FHIP1A: variants seen among roughly 807,000 people sequenced by gnomAD.
FHIP1A encodes the protein FHF complex subunit HOOK-interacting protein 1A.
A neutral mutation model predicts 88.6 loss-of-function variants in FHIP1A; 61 were observed. The ratio of observed to expected loss-of-function variants is 0.69; its 90% confidence interval spans 0.56 to 0.85. FHIP1A has a LOEUF of 0.85. FHIP1A is among the 40% of genes least tolerant of loss of function. The probability of loss-of-function intolerance (pLI) is 0.00; values close to 1 mark genes in which losing one functional copy is unlikely to be tolerated. For synonymous variants in FHIP1A, 478 were observed against 496.0 expected (o/e 0.96, Z 0.48); for missense variants, 1,154 against 1,273.5 (o/e 0.91, Z 1.43).
chr4:151,644,290 C>T (rs888054098), intron 9 of FHIP1A, among the ~76,000 whole-genome samples: 1 of 152,010 alleles, frequency 6.6e-6, no homozygotes. Context: ...AACCCCCCAC[C>T]CAACACAAAA....
intron 6 of FHIP1A, among the ~76,000 whole-genome samples, chr4:151,587,701 A>G (rs758312177): frequency 3.3e-5 from 5 of 152,176 alleles, no homozygotes; most frequent in Admixed American, 6.5e-5. Flanking sequence ...TGTTAGTTAT[A>G]ATCTGTTTAT....
intron 3 of FHIP1A, among the ~76,000 whole-genome samples, chr4:151,564,609 G>A (rs1733307701): frequency 6.6e-6 from 1 of 152,152 alleles, no homozygotes; most frequent in Non-Finnish European, 1.5e-5. Context: ...ACTGGACAGT[G>A]TCCACTGAAA....
chr4:151,544,616 T>G (rs1266992949), intron 3 of FHIP1A, among the ~76,000 whole-genome samples: 1 of 152,084 alleles, frequency 6.6e-6, no homozygotes, highest in Admixed American at 6.5e-5. Context: ...GTGATGCTGT[T>G]TAGTGCTTTG....
chr4:151,588,090 G>A (rs536397930), intron 6 of FHIP1A, among the ~76,000 whole-genome samples: 47 of 151,956 alleles, frequency 3.1e-4, no homozygotes, highest in African/African-American at 1.0e-3. Context: ...TAAGAACAGG[G>A]AAATTATATT....
At chr4:151,488,361 G>T (rs1235206726) in intron 3 of FHIP1A, among the ~76,000 whole-genome samples, 2 of 152,014 alleles carry the variant, frequency 1.3e-5, no homozygotes, top group Non-Finnish European at 2.9e-5. Context: ...AGTGTCTATT[G>T]TTCCCACTTA....
At chr4:151,562,205 T>C (rs567961266) in intron 3 of FHIP1A, among the ~76,000 whole-genome samples, 1 of 152,282 alleles carries the variant, frequency 6.6e-6, no homozygotes, top group East Asian at 1.9e-4. Flanking sequence ...TACCCTTTGT[T>C]CCCTACTTTA....
At chr4:151,521,431 G>A (rs1056882218) in intron 3 of FHIP1A, among the ~76,000 whole-genome samples, 4 of 152,064 alleles carry the variant, frequency 2.6e-5, no homozygotes, top group Admixed American at 2.6e-4. Flanking sequence ...ATTAATATCT[G>A]TGATGGAAGG....
chr4:151,590,442 C>T (rs1578790545), intron 7 of FHIP1A, among the ~76,000 whole-genome samples: 1 of 152,302 alleles, frequency 6.6e-6, no homozygotes, highest in African/African-American at 2.4e-5. Context: ...CCTCAGAGAG[C>T]TGTTACGAGG....
At chr4:151,648,736 A>G (rs1263224858) in intron 10 of FHIP1A, among the ~76,000 whole-genome samples, 2 of 151,310 alleles carry the variant, frequency 1.3e-5, no homozygotes, top group East Asian at 3.9e-4. Context: ...GCAGCCTACT[A>G]GATGTTTAAG....
At position 151,512,631 on chromosome 4, in the gene FHIP1A, A is replaced by G. The variant is rs1166988948; in HGVS notation, c.-123+29983A>G. The stretch of plus-strand genomic sequence containing the variant: ...AAGGAGCTGATGGAGCTGAAAGCCA[A>G]GGCTCGAGAACTACGTGAAGAATGC... On this transcript the variant is annotated intron_variant, in intron 3 of 13. Transcript: ENST00000435205. 2.0e-5 allele frequency among the ~76,000 whole-genome samples: 3 copies of G among 152,358 alleles called. No individual in the cohort carries two copies. In the East Asian group the frequency reaches 5.8e-4, roughly 29 times the overall value.
At chr4:151,553,661 CTGTT>C (rs1732833690) in intron 3 of FHIP1A, among the ~76,000 whole-genome samples, 1 of 152,170 alleles carries the variant, frequency 6.6e-6, no homozygotes, top group South Asian at 2.1e-4. Flanking sequence ...AGTTTCTAGA[CTGTT>C]TGAGTGATAC....
intron 3 of FHIP1A, among the ~76,000 whole-genome samples, chr4:151,510,874 T>C (rs1002767789): frequency 6.6e-6 from 1 of 152,238 alleles, no homozygotes; most frequent in East Asian, 1.9e-4. Context: ...TATTGATTTT[T>C]CTATTCATTT....
At chr4:151,643,764 T>C (rs573606682) in intron 9 of FHIP1A, among the ~76,000 whole-genome samples, 48 of 152,350 alleles carry the variant, frequency 3.2e-4, no homozygotes, top group African/African-American at 1.0e-3. Flanking sequence ...ACTGGCGGGC[T>C]ATTCATTTGA....
chr4:151,600,791 G>A (rs549675469), intron 7 of FHIP1A, among the ~76,000 whole-genome samples: 24 of 152,206 alleles, frequency 1.6e-4, no homozygotes, highest in Admixed American at 7.9e-4. Flanking sequence ...GGCAGCCTCC[G>A]GTAATTGGAT....
Position 151,662,909 on chromosome 4 carries a change from C to T in FHIP1A, c.*155C>T, listed in dbSNP as rs1472400501. ...GGGGAATTTTCTGTATCTTTCCTCT[C>T]TCTCTCTAGCCGGGCCTTTCCACCT... is the stretch of plus-strand genomic sequence containing the variant. On this transcript the variant is annotated 3_prime_UTR_variant, in exon 14 of 14. Transcript: ENST00000435205. The T allele has an allele frequency of 1.4e-6, 1 of 712,610 alleles. No homozygotes were observed. The highest frequency in any genetic ancestry group is 3.7e-5 in the Admixed American group (1 of 27,098). 44.1% of individuals were successfully genotyped at this position (712,610 alleles called of 1,614,324 possible). A position where few individuals can be genotyped will look rare whatever the true frequency, so the allele number is the denominator to read the frequency against.
chr4:151,528,964 C>T (rs1214138189), intron 3 of FHIP1A, among the ~76,000 whole-genome samples: 2 of 152,180 alleles, frequency 1.3e-5, no homozygotes, highest in East Asian at 3.8e-4. Context: ...TACCCTCCAC[C>T]TGCCCTCTGG....
chr4:151,589,803 C>A (rs190333013), intron 7 of FHIP1A, among the ~76,000 whole-genome samples: 2 of 152,318 alleles, frequency 1.3e-5, no homozygotes, highest in Admixed American at 1.3e-4. Context: ...CAGATCTTGA[C>A]AGAAGATGTT....
intron 2 of FHIP1A, 97 bp from the exon 3 acceptor site, chr4:151,482,427 G>GTA (rs1404425117): frequency 6.6e-6 from 1 of 152,036 alleles, no homozygotes; most frequent in Non-Finnish European, 1.5e-5. Flanking sequence ...CCCACTCAGT[G>GTA]TACAACATGT....
intron 1 of FHIP1A, among the ~76,000 whole-genome samples, chr4:151,420,287 C>G (rs555548180): frequency 1.9e-5 from 1 of 52,596 alleles, no homozygotes; most frequent in Admixed American, 1.7e-4. Flanking sequence ...GCCATTCTAA[C>G]TGGTGTGAGA....
Sources: allele counts gnomAD v4.1 joint callset (sites outside exome capture counted in the v4.1 genomes callset), GRCh38; gene constraint gnomAD v4.1.1; transcripts MANE v1.5; gene names NCBI Gene and HGNC (gene_info 2026-07-23, HGNC 2026-07-21).